The following AQP7 variants were observed in gnomAD, a reference collection of about 807,000 sequenced individuals.
The protein encoded by AQP7 is aquaporin-7.
Under a neutral mutation model 26.1 loss-of-function variants are expected in AQP7, and 22 were observed. The ratio of observed to expected loss-of-function variants is 0.84; its 90% CI spans 0.60 to 1.20. The LOEUF (loss-of-function observed/expected upper bound fraction) is 1.20. Among genes scored for constraint, AQP7 ranks in the 50% most tolerant of loss-of-function variants. AQP7 has a pLI of 0.00. For synonymous variants in AQP7, 167 were observed against 181.7 expected (o/e 0.92, Z 0.65); for missense variants, 412 against 457.5 (o/e 0.90, Z 0.91).
At chr9:33,393,828 G>C (rs562063079) in intron 3 of AQP7, 2 of 152,304 alleles carry the variant, frequency 1.3e-5, no homozygotes, top group Admixed American at 1.3e-4. Flanking sequence ...TGCCCACGCC[G>C]CTGACGGCTT....
rs1304921251 is a variant in AQP7, at chr9:33,383,544, G to C, written c.*1461C>G. 1 of 152,160 alleles carries C rather than the reference G, an allele frequency of 6.6e-6. No individual in the cohort carries two copies. Among genetic ancestry groups the C allele is most frequent in the Non-Finnish European group, 1.5e-5 (1 of 68,082 alleles). The allele number at this position is 152,160 out of a possible 1,614,324, so 9.4% of individuals were successfully genotyped here. ...AAGTCCTGTACATTGTACTTCTCCG[G>C]TATTGATCAATCCCCGCTCTCGTCT... is the stretch of plus-strand genomic sequence containing the variant. On this transcript the variant is annotated 3_prime_UTR_variant, in exon 8 of 8. Coordinates refer to ENST00000297988, the MANE Select transcript of AQP7 (RefSeq NM_001170.3).
intron 3 of AQP7, among the ~76,000 whole-genome samples, chr9:33,389,771 T>C (rs1825207373): frequency 6.6e-6 from 1 of 151,992 alleles, no homozygotes; most frequent in South Asian, 2.1e-4. Context: ...ATGCGGTGGC[T>C]CATGCCTGTA....
intron 1 of AQP7, chr9:33,401,601 C>T: frequency 2.5e-6 from 1 of 398,812 alleles, no homozygotes; most frequent in East Asian, 4.9e-5. Context: ...GTGGCTCCAG[C>T]CTCATATTTG....
rs531876468 is a variant in AQP7, at chr9:33,392,432, C to A, written c.144+2646G>T. ...CTGTGAAACTGGGATAATAATAGTA[C>A]CTACTTCACAGGGCTATTGCGAGGA... On this transcript the variant is annotated intron_variant, in intron 3 of 7. Coordinates refer to ENST00000297988, the MANE Select transcript of AQP7 (RefSeq NM_001170.3). Among the ~76,000 whole-genome samples, 60 of 152,178 alleles carry A rather than the reference C, an allele frequency of 3.9e-4. 1 individual carries two copies. Among genetic ancestry groups the A allele is most frequent in the Middle Eastern group, 3.4e-3 (1 of 294 alleles).
At chr9:33,387,569 A>G (rs1370164250) in intron 3 of AQP7, among the ~76,000 whole-genome samples, 1 of 151,980 alleles carries the variant, frequency 6.6e-6, no homozygotes, top group Non-Finnish European at 1.5e-5. Context: ...CAATTCCCAC[A>G]ATGCTGGAAC....
At chr9:33,398,095 G>A (rs552959270) in intron 2 of AQP7, among the ~76,000 whole-genome samples, 1 of 152,214 alleles carries the variant, frequency 6.6e-6, no homozygotes, top group African/African-American at 2.4e-5. Flanking sequence ...GCCTAGAGGA[G>A]GGGGTAGGAG....
intron 3 of AQP7, among the ~76,000 whole-genome samples, chr9:33,387,493 A>G (rs905318964): frequency 1.3e-5 from 2 of 151,864 alleles, no homozygotes; most frequent in Non-Finnish European, 2.9e-5. Context: ...GGACCTCCAA[A>G]TCCATCCGTG....
chr9:33,385,863 A>G lies in AQP7; in HGVS notation c.529T>C (p.Trp177Arg). ...CACAGCTGGAGCATCCCGGTCAGCC[A>G]CGCCTGAGGAGCAGATGCTGTGGCA... The part of the protein sequence containing the change: ...TLWRGFLNEA[W>R]LTGMLQLCLF... Residue 177 changes from tryptophan to arginine, a missense_variant, in exon 7 of 8, where the codon TGG (tryptophan) becomes CGG (arginine). Coordinates refer to ENST00000297988, the MANE Select transcript of AQP7 (RefSeq NM_001170.3). 1 of 1,605,434 alleles carries G rather than the reference A, an allele frequency of 6.2e-7. No individual in the cohort carries two copies. Among genetic ancestry groups the G allele is most frequent in the Non-Finnish European group, 8.5e-7 (1 of 1,174,548 alleles).
rs73645286 is a variant in AQP7 at position 33,395,218 on chromosome 9, T to A, written c.27-23A>T. On this transcript the variant is annotated intron_variant, in intron 2 of 7. Coordinates refer to ENST00000297988, the MANE Select transcript of AQP7 (RefSeq NM_001170.3). ...GACCTAAGACAGTGGCCCGAGCCCATGGACAGAAAGGAGACTCAAGTCTGC... is the reference window on the plus strand; with the variant it reads ...GACCTAAGACAGTGGCCCGAGCCCAAGGACAGAAAGGAGACTCAAGTCTGC... 3 of 1,597,244 alleles carry A rather than the reference T, an allele frequency of 1.9e-6. No homozygotes were observed. The African/African-American group carries it at 4.0e-5, about 21-fold the overall frequency.
intron 2 of AQP7, among the ~76,000 whole-genome samples, chr9:33,400,333 A>C (rs2118877124): frequency 6.6e-6 from 1 of 152,210 alleles, no homozygotes; most frequent in Non-Finnish European, 1.5e-5. Context: ...TGTGATTTCA[A>C]ATAGGGCAGC....
intron 3 of AQP7, among the ~76,000 whole-genome samples, chr9:33,390,137 G>A (rs1297298794): frequency 6.6e-6 from 1 of 152,126 alleles, no homozygotes; most frequent in African/African-American, 2.4e-5. Context: ...ATGATCCCGC[G>A]AAGGGGCTGA....
intron 4 of AQP7, among the ~76,000 whole-genome samples, 194 bp from the exon 5 acceptor site, chr9:33,386,735 G>GA (rs144694820): frequency 2.0e-5 from 3 of 152,256 alleles, no homozygotes; most frequent in Non-Finnish European, 4.4e-5. Context: ...GAGGAACACA[G>GA]AGGCGATGGC....
chr9:33,394,378 A>T (rs1162075756), intron 3 of AQP7: 1 of 151,800 alleles, frequency 6.6e-6, no homozygotes, highest in African/African-American at 2.4e-5. Flanking sequence ...TTTAAAACCC[A>T]AATCTGATCA....
rs944428522 is a variant in AQP7 at position 33,398,946 on chromosome 9, A to C, written c.26+2291T>G. On this transcript the variant is annotated intron_variant, in intron 2 of 7. Transcript: ENST00000297988. ...ACTAAATAGCTAACAGCTCACTAAA[A>C]GCCTGTTTCTTTTCTTTTTCTTTTT... is the stretch of plus-strand genomic sequence containing the variant. Among the ~76,000 whole-genome samples the C allele has an allele frequency of 2.4e-3, 368 of 150,828 alleles. 1 individual carries two copies. Among genetic ancestry groups the C allele is most frequent in the African/African-American group, 8.4e-3 (347 of 41,082 alleles).
At position 33,392,469 on chromosome 9, in the gene AQP7, G is replaced by T. The variant is rs548681125; in HGVS notation, c.144+2609C>A. ...GGCTATTGCGAGGATTTGGGAAGAT[G>T]CTGCACGTAAGGGGCTTAGCATCAC... On this transcript the variant is annotated intron_variant, in intron 3 of 7. Coordinates refer to ENST00000297988, the MANE Select transcript of AQP7 (RefSeq NM_001170.3). Among the ~76,000 whole-genome samples, 55 of 152,192 alleles carry T rather than the reference G, an allele frequency of 3.6e-4. 1 individual carries two copies. Among genetic ancestry groups the T allele is most frequent in the African/African-American group, 1.3e-3 (53 of 41,532 alleles).
chr9:33,398,548 G>A (rs1223579047), intron 2 of AQP7, among the ~76,000 whole-genome samples: 1 of 152,216 alleles, frequency 6.6e-6, no homozygotes, highest in Non-Finnish European at 1.5e-5. Flanking sequence ...CTTGGTGTTT[G>A]GTTAGAGAGG....
chr9:33,401,616 C>G, intron 1 of AQP7: 1 of 365,570 alleles, frequency 2.7e-6, no homozygotes, highest in South Asian at 2.8e-5. Flanking sequence ...TATTTGCGTG[C>G]TATACCTTTA....
intron 3 of AQP7, 35 bp downstream of exon 3, chr9:33,395,043 G>C (rs753118331): frequency 2.2e-5 from 35 of 1,580,936 alleles, no homozygotes; most frequent in Non-Finnish European, 3.0e-5. Flanking sequence ...GGCCCTGGCG[G>C]AGCCCCACCC....
At chr9:33,388,991 G>A (rs914231767) in intron 3 of AQP7, among the ~76,000 whole-genome samples, 5 of 151,654 alleles carry the variant, frequency 3.3e-5, no homozygotes, top group Non-Finnish European at 5.9e-5. Flanking sequence ...CAAGTAGTTG[G>A]GACTATGGGC....
Sources: allele counts gnomAD v4.1 joint callset (sites outside exome capture counted in the v4.1 genomes callset), GRCh38; gene constraint gnomAD v4.1.1; transcripts MANE v1.5; gene names NCBI Gene and HGNC (gene_info 2026-07-23, HGNC 2026-07-21).